Variants in LRRC9 observed in about 807,000 individuals in gnomAD.
LRRC9 encodes leucine-rich repeat-containing protein 9.
Under a neutral mutation model 63.2 loss-of-function variants are expected in LRRC9, and 122 were observed. That is an observed-to-expected ratio of 1.93 (90% CI 1.67 to 2.24). The LOEUF is 2.24. Among genes scored for constraint, LRRC9 ranks in the 30% most tolerant of loss-of-function variants. The probability of loss-of-function intolerance (pLI) is 0.00; values close to 1 mark genes in which losing one functional copy is unlikely to be tolerated. For synonymous variants in LRRC9, 366 were observed against 213.1 expected (o/e 1.72, Z -6.25); for missense variants, 1,071 against 627.7 (o/e 1.71, Z -7.55).
intron 7 of LRRC9, among the ~76,000 whole-genome samples, chr14:59,939,216 T>G (rs72718031): frequency 2.0e-5 from 3 of 151,976 alleles, no homozygotes; most frequent in East Asian, 3.9e-4. Flanking sequence ...TTTATGGTAG[T>G]CTACCAAGGA....
intron 29 of LRRC9, among the ~76,000 whole-genome samples, chr14:60,049,896 C>G (rs1015250950): frequency 6.6e-6 from 1 of 152,148 alleles, no homozygotes; most frequent in Non-Finnish European, 1.5e-5. Context: ...GTACCCCAAT[C>G]AGTCATAGGT....
intron 29 of LRRC9, among the ~76,000 whole-genome samples, chr14:60,040,290 G>C (rs1257637063): frequency 1.3e-5 from 2 of 151,918 alleles, no homozygotes. Context: ...TTGGTGCAGA[G>C]CTGAGTTCAA....
At chr14:59,963,023 T>G (rs1884497693) in intron 10 of LRRC9, among the ~76,000 whole-genome samples, 1 of 152,222 alleles carries the variant, frequency 6.6e-6, no homozygotes, top group Admixed American at 6.5e-5. Flanking sequence ...ATCTTTTATG[T>G]ATGTTAAGAA....
chr14:59,944,031 TTTA>T (rs1268381199), intron 7 of LRRC9, among the ~76,000 whole-genome samples: 1 of 151,990 alleles, frequency 6.6e-6, no homozygotes, highest in Non-Finnish European at 1.5e-5. Flanking sequence ...TCATGATAAA[TTTA>T]TTAATAACTG....
intron 27 of LRRC9, 83 bp downstream of exon 27, chr14:60,022,953 A>G: frequency 2.3e-6 from 1 of 437,602 alleles, no homozygotes; most frequent in Non-Finnish European, 4.1e-6. Context: ...AGCAAATATA[A>G]GCATCAGTAT....
intron 24 of LRRC9, 108 bp from the exon 25 acceptor site, chr14:60,018,256 TTGTCAGG>T (rs1890853070): frequency 1.6e-6 from 1 of 637,738 alleles, no homozygotes; most frequent in East Asian, 2.8e-5. Flanking sequence ...ATTTTTATAC[TTGTCAGG>T]TGAGACTTTT....
chr14:60,058,276 C>G lies in LRRC9; in HGVS notation c.4276+254C>G, dbSNP rs1209935617. Among the ~76,000 whole-genome samples the G allele has an allele frequency of 6.6e-6, 1 of 152,074 alleles. No homozygotes were observed. Among genetic ancestry groups the G allele is most frequent in the Non-Finnish European group, 1.5e-5 (1 of 67,982 alleles). ...AACATTTGCTCACTTGCAATGTGAA[C>G]TTTGTGATACTTGAACAATTATTTC... On this transcript the variant is annotated intron_variant, in intron 31 of 31. Transcript: ENST00000445360. The surrounding 1 kb of genome is among the most constrained non-coding windows in gnomAD (Gnocchi z 4.4).
intron 23 of LRRC9, among the ~76,000 whole-genome samples, chr14:60,010,626 G>A (rs1429347702): frequency 6.6e-6 from 1 of 152,170 alleles, no homozygotes; most frequent in African/African-American, 2.4e-5. Context: ...CCCAGAAAAT[G>A]GGTTTTTCTT....
intron 8 of LRRC9, among the ~76,000 whole-genome samples, chr14:59,952,106 C>T (rs931226849): frequency 1.3e-5 from 2 of 152,030 alleles, no homozygotes; most frequent in African/African-American, 4.8e-5. Flanking sequence ...AGCCTCGCTG[C>T]CGCCTTGCAG....
At chr14:59,985,329 C>A in intron 17 of LRRC9, 105 bp downstream of exon 17, 1 of 499,902 alleles carries the variant, frequency 2.0e-6, no homozygotes, top group East Asian at 2.9e-5. Context: ...AGATATTGGT[C>A]AAAGGGTATA....
chr14:60,063,036 G>A (rs575108947), intron 31 of LRRC9, among the ~76,000 whole-genome samples: 5 of 151,846 alleles, frequency 3.3e-5, no homozygotes, highest in African/African-American at 9.7e-5. Context: ...GGATTACTAC[G>A]GGCATGCGCC....
At chr14:59,933,350 C>T (rs1006427037) in intron 6 of LRRC9, among the ~76,000 whole-genome samples, 1 of 152,112 alleles carries the variant, frequency 6.6e-6, no homozygotes, top group African/African-American at 2.4e-5. Context: ...ATCCTTAACA[C>T]AGTGTTGGAC....
chr14:60,013,415 C>T (rs1390942225), intron 23 of LRRC9, among the ~76,000 whole-genome samples: 1 of 152,082 alleles, frequency 6.6e-6, no homozygotes, highest in Non-Finnish European at 1.5e-5. Context: ...CTTACCTCTG[C>T]TTTTAAAGCC....
At chr14:59,943,137 T>A (rs1405733248) in intron 7 of LRRC9, among the ~76,000 whole-genome samples, 1 of 152,174 alleles carries the variant, frequency 6.6e-6, no homozygotes, top group Non-Finnish European at 1.5e-5. Context: ...CTCTGTTGAT[T>A]GTTTCCTTTT....
At chr14:59,978,201 A>G (rs1886526271) in intron 15 of LRRC9, 69 bp downstream of exon 15, 1 of 677,232 alleles carries the variant, frequency 1.5e-6, no homozygotes, top group African/African-American at 1.8e-5. Context: ...AGTAATTTGA[A>G]GTCGAATAAT....
exon 18 of LRRC9, chr14:59,997,790 A>T (rs1381394652): frequency 4.3e-6 from 3 of 702,142 alleles, no homozygotes; most frequent in Non-Finnish European, 7.8e-6. Context: ...TAAATATGTT[A>T]TGCAAACACA....
intron 1 of LRRC9, among the ~76,000 whole-genome samples, chr14:59,924,492 A>G (rs1216852956): frequency 6.6e-6 from 1 of 152,152 alleles, no homozygotes; most frequent in Admixed American, 6.5e-5. Flanking sequence ...ATTTCCTTCA[A>G]TATAGACCCA....
rs1237166848 is a variant in LRRC9, at chr14:59,966,730, A to C, written c.1353A>C (p.Gln451His). Residue 451 changes from glutamine (Q) to histidine (H), a missense_variant, in exon 11 of 32, where the codon CAA (glutamine) becomes CAC (histidine). Physicochemically the swap from Gln to His is conservative, Grantham distance 24. Coordinates refer to ENST00000445360, the Ensembl canonical transcript of LRRC9. This position sits in a 1 kb window ranked among gnomAD's most constrained non-coding sequence, Gnocchi z 4.0. ...GACTAAAATTCGAAGAGAAATTTCAAAAGTTTTTGGAGAATGAAGATATGC... is the reference window on the plus strand; with the variant it reads ...GACTAAAATTCGAAGAGAAATTTCACAAGTTTTTGGAGAATGAAGATATGC... 2.9e-6 allele frequency: 2 copies of C among 682,800 alleles called. No individual in the cohort carries two copies. The highest frequency in any genetic ancestry group is 5.3e-6 in the Non-Finnish European group (2 of 375,622). 42.3% of individuals were successfully genotyped at this position (682,800 alleles called of 1,614,324 possible).
At chr14:59,937,844 T>G (rs963279168) in intron 6 of LRRC9, among the ~76,000 whole-genome samples, 6 of 152,094 alleles carry the variant, frequency 3.9e-5, no homozygotes, top group African/African-American at 1.4e-4. Context: ...TAGGCTTTAG[T>G]TGACCATAAT....
Sources: allele counts gnomAD v4.1 joint callset (sites outside exome capture counted in the v4.1 genomes callset), GRCh38; gene constraint gnomAD v4.1.1; non-coding constraint Gnocchi (gnomAD v3.1); transcripts MANE v1.5; gene names NCBI Gene and HGNC (gene_info 2026-07-23, HGNC 2026-07-21).